TEC: variants seen among roughly 807,000 people sequenced by gnomAD.
TEC encodes tec protein tyrosine kinase, also known as tyrosine-protein kinase Tec.
Under a neutral mutation model 93.0 loss-of-function variants are expected in TEC, and 72 were observed. The ratio of observed to expected loss-of-function variants is 0.77; its 90% CI spans 0.64 to 0.94. The LOEUF (loss-of-function observed/expected upper bound fraction) is 0.94, where lower values mean the gene tolerates loss of function less well. Among genes scored for constraint, TEC ranks in the 40% least tolerant of loss-of-function variants. TEC has a pLI of 0.00. For synonymous variants in TEC, 249 were observed against 247.7 expected (o/e 1.01, Z -0.05); for missense variants, 630 against 757.9 (o/e 0.83, Z 1.98).
chr4:48,269,362 C>A (rs1445557616), intron 1 of TEC, among the ~76,000 whole-genome samples: 3 of 152,404 alleles, frequency 2.0e-5, no homozygotes, highest in East Asian at 3.9e-4. Flanking sequence ...GCCGCCCAAC[C>A]CGAAAGGAGG....
intron 2 of TEC, among the ~76,000 whole-genome samples, chr4:48,211,502 T>G (rs1464561025): frequency 1.3e-5 from 2 of 152,234 alleles, no homozygotes; most frequent in Admixed American, 1.3e-4. Context: ...ATCCTTATAT[T>G]GTACTACAAT....
At chr4:48,226,999 A>G (rs1723487943) in intron 2 of TEC, among the ~76,000 whole-genome samples, 1 of 152,242 alleles carries the variant, frequency 6.6e-6, no homozygotes, top group Admixed American at 6.5e-5. Context: ...AGCAGGGACT[A>G]GGGCAGCTCC....
At chr4:48,215,382 CTA>C (rs1723043774) in intron 2 of TEC, among the ~76,000 whole-genome samples, 1 of 152,160 alleles carries the variant, frequency 6.6e-6, no homozygotes, top group Admixed American at 6.5e-5. Context: ...TGGCACGCAT[CTA>C]TAATCCCAGC....
At chr4:48,185,474 A>C (rs1450824703) in intron 2 of TEC, among the ~76,000 whole-genome samples, 2 of 152,244 alleles carry the variant, frequency 1.3e-5, no homozygotes, top group Non-Finnish European at 2.9e-5. Flanking sequence ...TTCTATGAGA[A>C]ACTGCTGCCT....
chr4:48,241,314 T>C (rs1375898235), intron 1 of TEC, among the ~76,000 whole-genome samples: 1 of 152,136 alleles, frequency 6.6e-6, no homozygotes, highest in African/African-American at 2.4e-5. Context: ...CTTTGACTAA[T>C]ACAGTATAGT....
chr4:48,198,037 C>T (rs947521407), intron 2 of TEC, among the ~76,000 whole-genome samples: 2 of 152,204 alleles, frequency 1.3e-5, no homozygotes, highest in Non-Finnish European at 1.5e-5. Context: ...TCATGCAACC[C>T]GGAGATGGAG....
chr4:48,227,659 A>C (rs1408045412), intron 2 of TEC, among the ~76,000 whole-genome samples: 1 of 151,726 alleles, frequency 6.6e-6, no homozygotes, highest in African/African-American at 2.4e-5. Context: ...AAAAAAAAAA[A>C]AACTAAACCA....
chr4:48,266,867 T>C (rs1724651780), intron 1 of TEC, among the ~76,000 whole-genome samples: 2 of 151,214 alleles, frequency 1.3e-5, no homozygotes, highest in South Asian at 4.2e-4. Context: ...AAAAAAGTTA[T>C]GCTTGGCTTA....
At chr4:48,163,641 C>T (rs1485659229) in intron 8 of TEC, 61 bp downstream of exon 8, 5 of 1,107,196 alleles carry the variant, frequency 4.5e-6, no homozygotes, top group Non-Finnish European at 6.5e-6. Context: ...AAATGCCTTA[C>T]ATAATTAGGA....
Position 48,171,361 on chromosome 4 carries a change from G to C in TEC, c.325+7C>G. The C allele has an allele frequency of 1.9e-6, 3 of 1,609,090 alleles. No homozygotes were observed. Among genetic ancestry groups the C allele is most frequent in the Non-Finnish European group, 2.5e-6 (3 of 1,177,836 alleles). ...TATATACAGAGTAATATTTCATTGAGTTTTACCTTCTTTTAACTTCTTCAC... is the reference window on the plus strand; with the variant it reads ...TATATACAGAGTAATATTTCATTGACTTTTACCTTCTTTTAACTTCTTCAC... On this transcript the variant is annotated splice_region_variant and intron_variant, in intron 4 of 17. Coordinates refer to ENST00000381501, the MANE Select transcript of TEC (RefSeq NM_003215.3).
chr4:48,269,464 TG>T (rs5858114), intron 1 of TEC, among the ~76,000 whole-genome samples: 52,772 of 152,086 alleles, frequency 0.35, 9,428 homozygotes, highest in Middle Eastern at 0.42. Flanking sequence ...AAGGGGCGGG[TG>T]TTCCTTAGGA....
At chr4:48,185,004 A>C (rs1253580932) in intron 2 of TEC, among the ~76,000 whole-genome samples, 1 of 151,962 alleles carries the variant, frequency 6.6e-6, no homozygotes, top group Non-Finnish European at 1.5e-5. Context: ...GTGTCCTTTT[A>C]CCATCTGCAA....
Position 48,145,535 on chromosome 4 carries a change from A to G in TEC, c.1126T>C (p.Leu376=), listed in dbSNP as rs902905216. Residue 376 remains leucine (L), a synonymous_variant, in exon 13 of 18, where the codon TTG becomes CTG. Transcript: ENST00000381501. Reference sequence around the variant, plus strand: ...ACCACTCCAAACAGTCCACTTCCCAATTCCCTCATAAAGGTCAGTTCTGAA... The same window carrying G: ...ACCACTCCAAACAGTCCACTTCCCAGTTCCCTCATAAAGGTCAGTTCTGAA... ...NPSELTFMRE[L]GSGLFGVVRL... is the part of the protein sequence containing the mutation. 6.8e-6 allele frequency: 11 copies of G among 1,614,110 alleles called. No individual in the cohort carries two copies. Among genetic ancestry groups the G allele is most frequent in the Non-Finnish European group, 9.3e-6 (11 of 1,180,000 alleles).
intron 2 of TEC, among the ~76,000 whole-genome samples, chr4:48,211,971 C>T (rs1273838300): frequency 6.6e-6 from 1 of 151,384 alleles, no homozygotes; most frequent in African/African-American, 2.4e-5. Context: ...TGGTGGCACG[C>T]ACCTGTAGTC....
At position 48,160,339 on chromosome 4, in the gene TEC, A is replaced by G. The variant is rs549192798; in HGVS notation, c.737+3363T>C. Among the ~76,000 whole-genome samples, 8 of 152,312 alleles carry G rather than the reference A, an allele frequency of 5.3e-5. No homozygotes were observed. In the South Asian group the frequency reaches 1.7e-3, roughly 32 times the overall value. ...ATGCTAATCAATGGGGTCCTGAAGTAGAACACACACCCAAGCCTAATTCCA... is the reference window on the plus strand; with the variant it reads ...ATGCTAATCAATGGGGTCCTGAAGTGGAACACACACCCAAGCCTAATTCCA... On this transcript the variant is annotated intron_variant, in intron 8 of 17. Transcript: ENST00000381501.
chr4:48,184,967 A>G (rs1447446654), intron 2 of TEC, among the ~76,000 whole-genome samples: 1 of 152,188 alleles, frequency 6.6e-6, no homozygotes, highest in Non-Finnish European at 1.5e-5. Context: ...TTAGTCCTTC[A>G]GCCATGTTCA....
Position 48,141,416 on chromosome 4 carries a change from CAGCCTGGA to C in TEC, c.1471-5_1473del, listed in dbSNP as rs1390019706. On this transcript the variant is annotated splice_acceptor_variant and splice_polypyrimidine_tract_variant and coding_sequence_variant and intron_variant, in exon 15 of 18. Transcript: ENST00000381501. LOFTEE classifies it high-confidence loss of function. ...GCCTCACTTACTAGACAATTTCTGG[CAGCCTGGA>C]AAACAACATTATGATGGTATATTAG... 1 of 1,613,668 alleles carries C rather than the reference CAGCCTGGA, an allele frequency of 6.2e-7. No homozygotes were observed. Among genetic ancestry groups the C allele is most frequent in the Admixed American group, 1.7e-5 (1 of 60,028 alleles).
intron 2 of TEC, among the ~76,000 whole-genome samples, chr4:48,180,809 G>GTGCAGTAC (rs1393902825): frequency 6.6e-6 from 1 of 152,170 alleles, no homozygotes; most frequent in Non-Finnish European, 1.5e-5. Context: ...AGAATCAGGA[G>GTGCAGTAC]TGCAGTACTG....
intron 2 of TEC, among the ~76,000 whole-genome samples, chr4:48,219,277 G>T (rs1444992263): frequency 6.6e-6 from 1 of 152,198 alleles, no homozygotes; most frequent in Non-Finnish European, 1.5e-5. Flanking sequence ...TGGTCAAGCG[G>T]TAACGCCAGT....
Sources: gnomAD v4.1 joint callset for allele counts (sites outside exome capture counted in the v4.1 genomes callset) on GRCh38, gnomAD v4.1.1 for gene constraint, MANE v1.5 for transcripts, NCBI Gene and HGNC (gene_info 2026-07-23, HGNC 2026-07-21) for gene names.